The following UTRN variants were observed in gnomAD, a reference collection of about 807,000 sequenced individuals.
UTRN encodes utrophin, also known as dystrophin-related protein 1.
A neutral mutation model predicts 463.9 loss-of-function variants in UTRN; 283 were observed. That is an observed-to-expected ratio of 0.61 (90% CI 0.55 to 0.67). The LOEUF (loss-of-function observed/expected upper bound fraction) is 0.67. Among genes scored for constraint, UTRN ranks in the 30% least tolerant of loss-of-function variants. The pLI, the probability that UTRN is intolerant of heterozygous loss-of-function variation, is 0.00. For missense variants in UTRN, 3,922 were observed against 4,084.3 expected (o/e 0.96, Z 1.08); for synonymous variants, 1,442 against 1,431.5 (o/e 1.01, Z -0.17).
intron 41 of UTRN, among the ~76,000 whole-genome samples, chr6:144,524,437 T>A (rs1796384736): frequency 6.6e-6 from 1 of 152,080 alleles, no homozygotes; most frequent in Non-Finnish European, 1.5e-5. Context: ...GTTTTTTTTT[T>A]ATTATTTAAA....
At chr6:144,341,882 A>T (rs1233920614) in intron 2 of UTRN, among the ~76,000 whole-genome samples, 1 of 152,228 alleles carries the variant, frequency 6.6e-6, no homozygotes, top group African/African-American at 2.4e-5. Context: ...GTATGAACCC[A>T]TACAGCTGTA....
intron 54 of UTRN, among the ~76,000 whole-genome samples, chr6:144,736,543 C>T (rs1025898708): frequency 6.6e-6 from 1 of 151,984 alleles, no homozygotes; most frequent in African/African-American, 2.4e-5. Context: ...ATTAATTGAC[C>T]ATTCCACATT....
chr6:144,563,145 A>G (rs966101476), intron 50 of UTRN, among the ~76,000 whole-genome samples: 2 of 152,134 alleles, frequency 1.3e-5, no homozygotes, highest in African/African-American at 4.8e-5. Context: ...GGCCAGCTAG[A>G]CATGTGGAAT....
At chr6:144,348,734 A>G (rs947377514) in intron 2 of UTRN, among the ~76,000 whole-genome samples, 2 of 152,180 alleles carry the variant, frequency 1.3e-5, no homozygotes, top group Admixed American at 6.5e-5. Flanking sequence ...CGGGAGTTCA[A>G]GACCAGCCTG....
At chr6:144,613,668 G>T (rs1805763316) in intron 51 of UTRN, among the ~76,000 whole-genome samples, 1 of 151,928 alleles carries the variant, frequency 6.6e-6, no homozygotes, top group Non-Finnish European at 1.5e-5. Context: ...TGTTAAAAAT[G>T]ACCTATATGC....
intron 35 of UTRN, among the ~76,000 whole-genome samples, chr6:144,513,416 G>C (rs1795345642): frequency 6.6e-6 from 1 of 152,196 alleles, no homozygotes; most frequent in Non-Finnish European, 1.5e-5. Flanking sequence ...TGGGTATGGT[G>C]GTGCAAGCCT....
At chr6:144,357,225 C>T (rs1778642643) in intron 2 of UTRN, among the ~76,000 whole-genome samples, 1 of 152,180 alleles carries the variant, frequency 6.6e-6, no homozygotes, top group Non-Finnish European at 1.5e-5. Flanking sequence ...GATAGTGGCT[C>T]AGCAAGGGTA....
At chr6:144,772,264 G>C (rs1794156363) in intron 59 of UTRN, among the ~76,000 whole-genome samples, 1 of 150,858 alleles carries the variant, frequency 6.6e-6, no homozygotes, top group Non-Finnish European at 1.5e-5. Flanking sequence ...GAACTCCTGA[G>C]CTCAGGCAAT....
intron 73 of UTRN, among the ~76,000 whole-genome samples, chr6:144,843,459 T>C (rs999490287): frequency 7.9e-5 from 12 of 152,184 alleles, no homozygotes; most frequent in African/African-American, 2.9e-4. Flanking sequence ...TTATTAAAAA[T>C]AAATAATCAT....
chr6:144,757,661 C>A (rs1235106099), intron 57 of UTRN, among the ~76,000 whole-genome samples: 2 of 152,022 alleles, frequency 1.3e-5, no homozygotes, highest in African/African-American at 4.8e-5. Flanking sequence ...TATTTATAAG[C>A]AACACCATTT....
intron 65 of UTRN, among the ~76,000 whole-genome samples, chr6:144,815,555 A>C (rs899180213): frequency 6.6e-6 from 1 of 152,236 alleles, no homozygotes; most frequent in African/African-American, 2.4e-5. Flanking sequence ...GCCCCTGGCA[A>C]ACCACTGGTC....
intron 2 of UTRN, among the ~76,000 whole-genome samples, chr6:144,332,163 GT>G (rs1382849776): frequency 6.6e-6 from 1 of 152,178 alleles, no homozygotes; most frequent in African/African-American, 2.4e-5. Flanking sequence ...AGTAGATTTT[GT>G]GCTGTTGTCT....
intron 2 of UTRN, among the ~76,000 whole-genome samples, chr6:144,369,445 C>T (rs1473755752): frequency 7.2e-5 from 11 of 152,286 alleles, no homozygotes; most frequent in South Asian, 2.1e-4. Flanking sequence ...GGTAAAACCC[C>T]GTCTTTACTA....
At chr6:144,733,098 C>G (rs1345116763) in intron 54 of UTRN, among the ~76,000 whole-genome samples, 4 of 152,188 alleles carry the variant, frequency 2.6e-5, no homozygotes, top group African/African-American at 7.2e-5. Flanking sequence ...TTAAAGCACA[C>G]AAATGTGATT....
At chr6:144,556,349 C>T (rs961487100) in intron 49 of UTRN, among the ~76,000 whole-genome samples, 4 of 152,034 alleles carry the variant, frequency 2.6e-5, no homozygotes, top group African/African-American at 4.8e-5. Flanking sequence ...CTGACTGTTT[C>T]CACCAAATGA....
chr6:144,764,022 G>A (rs932033084), intron 58 of UTRN, among the ~76,000 whole-genome samples: 1 of 152,142 alleles, frequency 6.6e-6, no homozygotes, highest in African/African-American at 2.4e-5. Context: ...AGAAGTAAAT[G>A]AAATAGAAGC....
intron 2 of UTRN, among the ~76,000 whole-genome samples, chr6:144,369,356 C>T (rs968360366): frequency 8.5e-5 from 13 of 152,346 alleles, no homozygotes; most frequent in African/African-American, 2.6e-4. Flanking sequence ...TGGTGGCTCA[C>T]GCCTGTAATC....
chr6:144,836,008 T>C, intron 70 of UTRN, 70 bp downstream of exon 70: 2 of 1,562,618 alleles, frequency 1.3e-6, no homozygotes, highest in South Asian at 2.4e-5. Context: ...AGCCCCCATT[T>C]ATTCTCTTTT....
rs151320644 is a variant in UTRN, at chr6:144,646,655, TC to T, written c.7480-31750del. Among the ~76,000 whole-genome samples the T allele has an allele frequency of 3.9e-3, 595 of 152,142 alleles. 5 individuals are homozygous for T. Among genetic ancestry groups the T allele is most frequent in the African/African-American group, 0.014 (568 of 41,526 alleles). On this transcript the variant is annotated intron_variant, in intron 51 of 74. Coordinates refer to ENST00000367545, the MANE Select transcript of UTRN (RefSeq NM_007124.3). Reference sequence around the variant, plus strand: ...TCAAGAAATGGGAGGTTTTCCTAAGTCAAGAAAACCTCTCACACATAAAAAT... The same window carrying T: ...TCAAGAAATGGGAGGTTTTCCTAAGTAAGAAAACCTCTCACACATAAAAAT...
Sources: gnomAD v4.1 joint callset for allele counts (sites outside exome capture counted in the v4.1 genomes callset) on GRCh38, gnomAD v4.1.1 for gene constraint, MANE v1.5 for transcripts, NCBI Gene and HGNC (gene_info 2026-07-23, HGNC 2026-07-21) for gene names.